USP37: variants seen among roughly 807,000 people sequenced by gnomAD.
USP37 encodes the protein ubiquitin specific peptidase 37, also known as ubiquitin carboxyl-terminal hydrolase 37.
A neutral mutation model predicts 124.0 loss-of-function variants in USP37; 27 were observed. The ratio of observed to expected loss-of-function variants is 0.22; its 90% CI spans 0.16 to 0.30. USP37 has a LOEUF of 0.30. USP37 is among the 10% of genes least tolerant of loss of function. The pLI, the probability that USP37 is intolerant of heterozygous loss-of-function variation, is 1.00. For missense variants in USP37, 889 were observed against 1,140.4 expected, an observed-to-expected ratio of 0.78 and a Z score of 3.17; for synonymous variants, 365 against 388.0, an observed-to-expected ratio of 0.94 and a Z score of 0.70.
chr2:218,488,342 G>C lies in USP37; in HGVS notation c.1552C>G (p.Pro518Ala), dbSNP rs200816355. Residue 518 changes from proline to alanine, a missense_variant, in exon 15 of 26, where the codon CCT becomes GCT. Physicochemically the swap from Pro to Ala is conservative, Grantham distance 27 (BLOSUM62 -1). This residue lies in a region of USP37 where 504 missense variants were observed against 714.3 expected (regional missense o/e 0.71). Coordinates refer to ENST00000258399, the MANE Select transcript of USP37 (RefSeq NM_020935.3). Reference protein sequence around the residue: ...DLPRRKKPLPPRSIQDSLDLF... With the variant: ...DLPRRKKPLPARSIQDSLDLF... ...TCAAGAGAATCTTGAATTGAACGAG[G>C]AGGGAGTGGTTTTTTCCTACGAGGA... is the stretch of plus-strand genomic sequence containing the variant. 6.2e-7 allele frequency: 1 copy of C among 1,612,610 alleles called. No individual in the cohort carries two copies. Among genetic ancestry groups the C allele is most frequent in the South Asian group, 1.1e-5 (1 of 90,728 alleles).
intron 11 of USP37, chr2:218,501,041 CT>C (rs57037342): frequency 0.14 from 18,829 of 134,648 alleles, 3,336 homozygotes; most frequent in African/African-American, 0.45. Context: ...CACATCCAAT[CT>C]TTTTTTTTTT....
intron 10 of USP37, among the ~76,000 whole-genome samples, chr2:218,511,225 C>T (rs833086): frequency 0.6 from 90,953 of 151,686 alleles, 27,472 homozygotes; most frequent in East Asian, 0.78. Context: ...CTGCAACCTC[C>T]ACCTCCCGGT....
chr2:218,459,362 G>A (rs1689881379), intron 23 of USP37, among the ~76,000 whole-genome samples: 2 of 152,058 alleles, frequency 1.3e-5, no homozygotes, highest in South Asian at 4.1e-4. Context: ...GTGCCACCAC[G>A]CCCAGCTAAT....
chr2:218,487,579 C>T (rs1574870230), intron 15 of USP37, among the ~76,000 whole-genome samples: 2 of 152,154 alleles, frequency 1.3e-5, no homozygotes, highest in Admixed American at 6.5e-5. Context: ...CGCCACCATG[C>T]CCAGCTATTT....
intron 8 of USP37, 108 bp from the exon 9 acceptor site, chr2:218,534,814 G>T: frequency 3.5e-6 from 2 of 576,818 alleles, no homozygotes; most frequent in South Asian, 5.1e-5. Flanking sequence ...CAAATTCATT[G>T]ATATGCTTGA....
chr2:218,487,007 T>C (rs1342876470), intron 15 of USP37, among the ~76,000 whole-genome samples: 3 of 152,158 alleles, frequency 2.0e-5, no homozygotes, highest in Non-Finnish European at 4.4e-5. Flanking sequence ...ATTACAGGCG[T>C]TAGCCACCGT....
intron 11 of USP37, among the ~76,000 whole-genome samples, chr2:218,499,523 G>C (rs1474516840): frequency 6.6e-6 from 1 of 152,060 alleles, no homozygotes; most frequent in Admixed American, 6.5e-5. Flanking sequence ...TAAATAATCA[G>C]AGTACAATTA....
intron 11 of USP37, 61 bp from the exon 12 acceptor site, chr2:218,498,218 T>TA (rs1308000677): frequency 6.8e-7 from 1 of 1,472,678 alleles, no homozygotes; most frequent in Non-Finnish European, 9.0e-7. Flanking sequence ...ATGTTCAGTA[T>TA]AGTAGGAGTT....
intron 10 of USP37, among the ~76,000 whole-genome samples, chr2:218,524,312 C>T (rs1690829551): frequency 1.3e-5 from 2 of 152,164 alleles, no homozygotes; most frequent in South Asian, 4.1e-4. Flanking sequence ...CTTGCCAAGA[C>T]TAGTCTTGAA....
rs61300441 is a variant in USP37, at chr2:218,474,985, T to C, written c.2044-100A>G. The stretch of plus-strand genomic sequence containing the variant: ...GCAACTTTATTTCTAAAAAGTTTCC[T>C]TTCTTTGATGCTTTGGGTTATTTAA... On this transcript the variant is annotated intron_variant, in intron 19 of 25. Coordinates refer to ENST00000258399, the MANE Select transcript of USP37 (RefSeq NM_020935.3). 6,217 of 1,261,696 alleles carry C rather than the reference T, an allele frequency of 4.9e-3. 251 individuals are homozygous for C. The African/African-American group carries it at 0.085, about 17-fold the overall frequency. 78.2% of individuals were successfully genotyped at this position (1,261,696 alleles called of 1,614,324 possible).
chr2:218,497,654 A>C, intron 13 of USP37, 80 bp downstream of exon 13: 3 of 1,561,040 alleles, frequency 1.9e-6, no homozygotes, highest in Non-Finnish European at 2.6e-6. Flanking sequence ...CTGCCCACCT[A>C]GGCCTCCCAA....
At chr2:218,550,694 TCA>T in intron 5 of USP37, among the ~76,000 whole-genome samples, 1 of 151,268 alleles carries the variant, frequency 6.6e-6, no homozygotes, top group Non-Finnish European at 1.5e-5. Context: ...TTGCTTCCCC[TCA>T]CACTGCTACC....
chr2:218,466,804 G>A (rs979080472), intron 20 of USP37, among the ~76,000 whole-genome samples: 6 of 150,994 alleles, frequency 4.0e-5, no homozygotes, highest in East Asian at 3.9e-4. Flanking sequence ...GCACTATCTC[G>A]GCTCACTGCA....
intron 20 of USP37, among the ~76,000 whole-genome samples, chr2:218,467,376 T>G (rs1459238873): frequency 6.6e-6 from 1 of 151,506 alleles, no homozygotes; most frequent in Non-Finnish European, 1.5e-5. Context: ...TGAGATGGAG[T>G]TTCGCTCTGT....
intron 10 of USP37, among the ~76,000 whole-genome samples, chr2:218,521,779 C>T (rs1045509470): frequency 1.3e-5 from 2 of 152,148 alleles, no homozygotes; most frequent in African/African-American, 4.8e-5. Flanking sequence ...CAAGTAGTCC[C>T]CATATATGCA....
At chr2:218,560,068 CAA>C (rs1693231701) in intron 3 of USP37, among the ~76,000 whole-genome samples, 1 of 151,690 alleles carries the variant, frequency 6.6e-6, no homozygotes, top group Non-Finnish European at 1.5e-5. Flanking sequence ...TTAGCTTTTG[CAA>C]AAGTCAACAA....
At chr2:218,548,634 C>T (rs139256901) in intron 6 of USP37, among the ~76,000 whole-genome samples, 22 of 152,164 alleles carry the variant, frequency 1.4e-4, no homozygotes, top group African/African-American at 4.6e-4. Context: ...TGAGCCACCA[C>T]GCCTGGCCGC....
chr2:218,468,150 A>G (rs1291780938), intron 20 of USP37, among the ~76,000 whole-genome samples: 1 of 151,680 alleles, frequency 6.6e-6, no homozygotes, highest in African/African-American at 2.4e-5. Flanking sequence ...CGGCCTCCCA[A>G]AGTGCTGGGA....
intron 16 of USP37, among the ~76,000 whole-genome samples, chr2:218,483,929 C>T (rs570372390): frequency 3.3e-4 from 50 of 152,278 alleles, no homozygotes; most frequent in South Asian, 1.0e-3. Context: ...GAGGCCGAGG[C>T]GGCCACATCA....
Sources: gnomAD v4.1 joint callset for allele counts (sites outside exome capture counted in the v4.1 genomes callset) on GRCh38, gnomAD v4.1.1 for gene constraint, gnomAD v4.1.1 regional missense constraint, MANE v1.5 for transcripts, NCBI Gene and HGNC (gene_info 2026-07-23, HGNC 2026-07-21) for gene names.